Variants in COMMD10 observed in about 807,000 individuals in gnomAD.
COMMD10 encodes COMM domain-containing protein 10.
Under a neutral mutation model 28.9 loss-of-function variants are expected in COMMD10, and 33 were observed. The observed-to-expected ratio is 1.14, with a 90% CI of 0.87 to 1.53. The LOEUF (loss-of-function observed/expected upper bound fraction) is 1.53. Among genes scored for constraint, COMMD10 ranks in the 40% most tolerant of loss-of-function variants. The pLI, the probability that COMMD10 is intolerant of heterozygous loss-of-function variation, is 0.00. For synonymous variants in COMMD10, 110 were observed against 81.7 expected (o/e 1.35, Z -1.87); for missense variants, 310 against 233.4 (o/e 1.33, Z -2.14).
intron 5 of COMMD10, among the ~76,000 whole-genome samples, chr5:116,212,547 G>A (rs191585705): frequency 2.6e-4 from 17 of 66,022 alleles, no homozygotes; most frequent in African/African-American, 6.4e-4. Flanking sequence ...GGTTGGATAG[G>A]TTCATGTGGG....
At chr5:116,192,129 G>T (rs187354260) in intron 5 of COMMD10, among the ~76,000 whole-genome samples, 14 of 152,106 alleles carry the variant, frequency 9.2e-5, no homozygotes, top group Non-Finnish European at 1.8e-4. Context: ...CTACATCAAG[G>T]GAACACCCCA....
chr5:116,256,917 A>G (rs1032398951), intron 5 of COMMD10, among the ~76,000 whole-genome samples: 4 of 151,590 alleles, frequency 2.6e-5, no homozygotes, highest in East Asian at 1.9e-4. Context: ...CTGATAAACA[A>G]CTCTTTTATT....
Position 116,225,353 on chromosome 5 carries a change from G to GTTTTTTTTTT in COMMD10, c.511-66164_511-66163insTTTTTTTTTT, listed in dbSNP as rs143964154. 5.1e-5 allele frequency among the ~76,000 whole-genome samples: 6 copies of GTTTTTTTTTT among 116,512 alleles called. 2 individuals are homozygous for GTTTTTTTTTT. Among genetic ancestry groups the GTTTTTTTTTT allele is most frequent in the Non-Finnish European group, 8.5e-5 (5 of 58,966 alleles). 76.4% of individuals were successfully genotyped at this position (116,512 alleles called of 152,430 possible). A position where few individuals can be genotyped will look rare whatever the true frequency, so the allele number is the denominator to read the frequency against. On this transcript the variant is annotated intron_variant, in intron 5 of 6. Coordinates refer to ENST00000274458, the MANE Select transcript of COMMD10 (RefSeq NM_016144.4). ...AGACTTTCCTGTTTGTTTTTTTGGGGATTTTTTTTTTTTTTTTTGCATATG... is the reference window on the plus strand; with the variant it reads ...AGACTTTCCTGTTTGTTTTTTTGGGGTTTTTTTTTTATTTTTTTTTTTTTTTTTGCATATG...
intron 5 of COMMD10, among the ~76,000 whole-genome samples, chr5:116,264,914 A>C (rs1474401251): frequency 6.6e-6 from 1 of 151,836 alleles, no homozygotes; most frequent in East Asian, 1.9e-4. Context: ...CATGTCCTAA[A>C]AATCTCAGAT....
At chr5:116,095,603 C>G (rs1225743936) in intron 4 of COMMD10, among the ~76,000 whole-genome samples, 1 of 152,012 alleles carries the variant, frequency 6.6e-6, no homozygotes, top group African/African-American at 2.4e-5. Flanking sequence ...TTAACAGTAT[C>G]TTTCCCAGAA....
chr5:116,228,458 C>T (rs1181198151), intron 5 of COMMD10, among the ~76,000 whole-genome samples: 1 of 151,850 alleles, frequency 6.6e-6, no homozygotes, highest in African/African-American at 2.4e-5. Context: ...ACATTTATCA[C>T]TTTCATATGT....
intron 5 of COMMD10, among the ~76,000 whole-genome samples, chr5:116,217,756 C>T (rs559105645): frequency 1.8e-4 from 28 of 152,148 alleles, no homozygotes; most frequent in African/African-American, 4.6e-4. Flanking sequence ...GTGTCAAAGT[C>T]GCGGAATCCC....
At chr5:116,290,465 T>C (rs956831912) in intron 5 of COMMD10, among the ~76,000 whole-genome samples, 1 of 151,864 alleles carries the variant, frequency 6.6e-6, no homozygotes, top group African/African-American at 2.4e-5. Flanking sequence ...TTTCTGAACA[T>C]AGCCCCATTG....
intron 5 of COMMD10, among the ~76,000 whole-genome samples, chr5:116,155,922 T>G (rs1471916168): frequency 6.6e-6 from 1 of 152,104 alleles, no homozygotes; most frequent in Non-Finnish European, 1.5e-5. Flanking sequence ...TAGAAGTCAA[T>G]TATCTTAACA....
In COMMD10 at chr5:116,157,247, G is replaced by A. The variant is rs189097657; in HGVS notation, c.510+23069G>A. On this transcript the variant is annotated intron_variant, in intron 5 of 6. Transcript: ENST00000274458. ...TTTATTTTTATTTTTTTAAATTGTG[G>A]CAGGACCTTACCTTTGGTAACATCA... Among the ~76,000 whole-genome samples the A allele has an allele frequency of 1.6e-3, 241 of 152,056 alleles. 2 individuals carry two copies. Among genetic ancestry groups the A allele is most frequent in the African/African-American group, 5.6e-3 (232 of 41,472 alleles).
chr5:116,281,758 T>C (rs1751074656), intron 5 of COMMD10, among the ~76,000 whole-genome samples: 1 of 151,914 alleles, frequency 6.6e-6, no homozygotes, highest in African/African-American at 2.4e-5. Context: ...TTGATTCATG[T>C]AATGCATGTG....
intron 5 of COMMD10, among the ~76,000 whole-genome samples, chr5:116,180,853 G>T (rs1454459189): frequency 6.6e-6 from 1 of 152,080 alleles, no homozygotes; most frequent in Non-Finnish European, 1.5e-5. Flanking sequence ...AGGAGAAAAT[G>T]ATGAAATGCT....
intron 5 of COMMD10, among the ~76,000 whole-genome samples, chr5:116,228,629 G>C: frequency 6.6e-6 from 1 of 151,892 alleles, no homozygotes; most frequent in Admixed American, 6.6e-5. Context: ...TGTGATTTTT[G>C]AATGAATGCT....
intron 4 of COMMD10, among the ~76,000 whole-genome samples, chr5:116,114,867 C>G (rs368998850): frequency 2.6e-5 from 4 of 152,046 alleles, no homozygotes; most frequent in African/African-American, 9.7e-5. Context: ...TCAGCCCTGC[C>G]CAGGTCAGGA....
intron 5 of COMMD10, among the ~76,000 whole-genome samples, chr5:116,287,921 T>C (rs1330309568): frequency 6.6e-6 from 1 of 151,852 alleles, no homozygotes; most frequent in African/African-American, 2.4e-5. Context: ...TTAATATAGA[T>C]TTATGGGTTT....
chr5:116,243,088 G>T (rs1749852620), intron 5 of COMMD10, among the ~76,000 whole-genome samples: 1 of 152,138 alleles, frequency 6.6e-6, no homozygotes, highest in Non-Finnish European at 1.5e-5. Context: ...TGATTGTGAT[G>T]TCCAAGAAGT....
intron 4 of COMMD10, among the ~76,000 whole-genome samples, chr5:116,125,458 C>T (rs924252042): frequency 3.3e-5 from 5 of 152,202 alleles, no homozygotes; most frequent in Admixed American, 6.5e-5. Context: ...GGTAACCCGA[C>T]CTTTGTCTCT....
intron 5 of COMMD10, among the ~76,000 whole-genome samples, chr5:116,290,755 G>T (rs780214613): frequency 6.7e-6 from 1 of 149,722 alleles, no homozygotes; most frequent in African/African-American, 2.6e-5. Flanking sequence ...GGGACCTTGA[G>T]TAAAATAAAC....
At chr5:116,219,672 GT>G (rs2112642791) in intron 5 of COMMD10, among the ~76,000 whole-genome samples, 1 of 152,270 alleles carries the variant, frequency 6.6e-6, no homozygotes, top group African/African-American at 2.4e-5. Flanking sequence ...TTTGGACTTT[GT>G]GAGGGAATAT....
Sources: allele counts gnomAD v4.1 joint callset (sites outside exome capture counted in the v4.1 genomes callset), GRCh38; gene constraint gnomAD v4.1.1; transcripts MANE v1.5; gene names NCBI Gene and HGNC (gene_info 2026-07-23, HGNC 2026-07-21).